FTO: variants seen among roughly 807,000 people sequenced by gnomAD.
FTO encodes the protein FTO alpha-ketoglutarate dependent dioxygenase, also known as alpha-ketoglutarate-dependent dioxygenase FTO.
In FTO, 47 loss-of-function variants were observed where a neutral mutation model predicts 63.9. The ratio of observed to expected loss-of-function variants is 0.74; its 90% CI spans 0.58 to 0.94. The LOEUF (loss-of-function observed/expected upper bound fraction) is 0.94. Among genes scored for constraint, FTO ranks in the 40% least tolerant of loss-of-function variants. FTO has a pLI of 0.00. For synonymous variants in FTO, 207 were observed against 224.4 expected, an observed-to-expected ratio of 0.92 and a Z score of 0.69; for missense variants, 562 against 618.1, an observed-to-expected ratio of 0.91 and a Z score of 0.96.
intron 4 of FTO, among the ~76,000 whole-genome samples, chr16:53,854,766 T>A (rs1418709816): frequency 6.6e-6 from 1 of 152,148 alleles, no homozygotes; most frequent in Non-Finnish European, 1.5e-5. Flanking sequence ...CTATTCAGGC[T>A]CTTTTTTGGT....
intron 7 of FTO, among the ~76,000 whole-genome samples, chr16:53,893,510 T>G (rs1168221293): frequency 6.6e-6 from 1 of 152,172 alleles, no homozygotes; most frequent in Non-Finnish European, 1.5e-5. Flanking sequence ...ATAGGCCATT[T>G]GTCTCTCAGG....
intron 8 of FTO, among the ~76,000 whole-genome samples, chr16:53,943,647 T>C (rs2082589401): frequency 6.6e-6 from 1 of 152,260 alleles, no homozygotes; most frequent in Non-Finnish European, 1.5e-5. Context: ...AAAATTTCTT[T>C]TATAAAATGT....
chr16:54,008,025 G>C (rs1479194148), intron 8 of FTO, among the ~76,000 whole-genome samples: 1 of 152,174 alleles, frequency 6.6e-6, no homozygotes, highest in African/African-American at 2.4e-5. Context: ...GTCCACCCCT[G>C]TGCTGGTGCA....
chr16:53,993,595 G>A (rs2083865398), intron 8 of FTO: 1 of 152,120 alleles, frequency 6.6e-6, no homozygotes, highest in Admixed American at 6.5e-5. Context: ...GTATTTGGGG[G>A]GTTTTATATT....
intron 8 of FTO, among the ~76,000 whole-genome samples, chr16:53,951,844 A>G (rs1234375564): frequency 6.6e-6 from 1 of 152,156 alleles, no homozygotes; most frequent in Non-Finnish European, 1.5e-5. Flanking sequence ...TTAAAGAAAA[A>G]TGCTAGAAAT....
chr16:53,884,149 G>A (rs531130557), intron 6 of FTO, among the ~76,000 whole-genome samples: 3 of 152,268 alleles, frequency 2.0e-5, no homozygotes, highest in Admixed American at 6.5e-5. Context: ...AAGCAGTTTC[G>A]GAAGTTTGGG....
intron 1 of FTO, among the ~76,000 whole-genome samples, chr16:53,788,332 G>T (rs2077805551): frequency 1.3e-5 from 2 of 152,054 alleles, no homozygotes; most frequent in Admixed American, 1.3e-4. Context: ...GCCAGATGGG[G>T]TGGCTCATGC....
intron 1 of FTO, among the ~76,000 whole-genome samples, chr16:53,786,363 C>A (rs1286499609): frequency 1.3e-5 from 2 of 152,116 alleles, no homozygotes; most frequent in Non-Finnish European, 2.9e-5. Context: ...TTCTACAGTT[C>A]CAGTCATTTT....
chr16:54,079,202 G>A (rs1425892529), intron 8 of FTO, among the ~76,000 whole-genome samples: 3 of 152,140 alleles, frequency 2.0e-5, no homozygotes, highest in East Asian at 1.9e-4. Context: ...TGCTAGGTAC[G>A]CCCTTAGAGA....
intron 7 of FTO, among the ~76,000 whole-genome samples, chr16:53,902,436 T>C (rs1416199724): frequency 6.6e-6 from 1 of 152,184 alleles, no homozygotes; most frequent in Non-Finnish European, 1.5e-5. Flanking sequence ...ACTCCCTAAA[T>C]ATCCATGGCT....
intron 1 of FTO, among the ~76,000 whole-genome samples, chr16:53,730,395 A>G (rs905527097): frequency 6.6e-6 from 1 of 152,156 alleles, no homozygotes; most frequent in African/African-American, 2.4e-5. Flanking sequence ...CAATTCAGTA[A>G]GTAAATTTCA....
At chr16:53,862,912 C>CT (rs2080216686) in intron 4 of FTO, among the ~76,000 whole-genome samples, 1 of 152,146 alleles carries the variant, frequency 6.6e-6, no homozygotes, top group South Asian at 2.1e-4. Context: ...TTCCTCATGT[C>CT]TAAGGTTTTC....
chr16:54,014,503 G>A (rs1567517120), intron 8 of FTO, among the ~76,000 whole-genome samples: 1 of 151,942 alleles, frequency 6.6e-6, no homozygotes, highest in Non-Finnish European at 1.5e-5. Flanking sequence ...GCTGATGCTG[G>A]TGTCCTGTTT....
chr16:53,782,348 G>T (rs1199518583), intron 1 of FTO, among the ~76,000 whole-genome samples: 1 of 152,196 alleles, frequency 6.6e-6, no homozygotes, highest in African/African-American at 2.4e-5. Context: ...CATGCCAGTT[G>T]CCCACTGTGG....
At chr16:54,025,787 C>T (rs1001494573) in intron 8 of FTO, among the ~76,000 whole-genome samples, 7 of 151,284 alleles carry the variant, frequency 4.6e-5, no homozygotes, top group Non-Finnish European at 7.4e-5. Flanking sequence ...CCAAGACAGG[C>T]GGATCACCTG....
intron 8 of FTO, among the ~76,000 whole-genome samples, chr16:54,094,415 C>T (rs1158077070): frequency 3.9e-5 from 6 of 152,172 alleles, no homozygotes; most frequent in South Asian, 2.1e-4. Context: ...TATTGAACTA[C>T]GATGTTTTAA....
At chr16:53,793,725 C>T (rs1037711234) in intron 1 of FTO, among the ~76,000 whole-genome samples, 20 of 151,666 alleles carry the variant, frequency 1.3e-4, no homozygotes, top group Non-Finnish European at 2.5e-4. Context: ...AGCGAGACTC[C>T]GTCTCAAAAC....
intron 3 of FTO, among the ~76,000 whole-genome samples, chr16:53,837,274 C>T (rs1380136048): frequency 6.6e-6 from 1 of 152,098 alleles, no homozygotes; most frequent in African/African-American, 2.4e-5. Context: ...ATATTTTTAT[C>T]TTAAATTTTT....
intron 8 of FTO, among the ~76,000 whole-genome samples, chr16:54,102,378 G>A (rs1223665136): frequency 6.6e-6 from 1 of 152,070 alleles, no homozygotes; most frequent in Non-Finnish European, 1.5e-5. Context: ...ATCTCTTCTT[G>A]GAATCCCAAG....
Sources: allele counts gnomAD v4.1 joint callset (sites outside exome capture counted in the v4.1 genomes callset), GRCh38; gene constraint gnomAD v4.1.1; transcripts MANE v1.5; gene names NCBI Gene and HGNC (gene_info 2026-07-23, HGNC 2026-07-21).